Variants in PPP1R12A observed in about 807,000 individuals in gnomAD.
The protein encoded by PPP1R12A is myosin binding subunit.
Under a neutral mutation model 139.6 loss-of-function variants are expected in PPP1R12A, and 19 were observed. The observed-to-expected ratio is 0.14, with a 90% CI of 0.09 to 0.20. The LOEUF is 0.20. PPP1R12A is among the 10% of genes least tolerant of loss of function. PPP1R12A has a pLI of 1.00. For synonymous variants in PPP1R12A, 427 were observed against 420.6 expected (o/e 1.02, Z -0.19); for missense variants, 925 against 1,211.5 (o/e 0.76, Z 3.51).
chr12:79,841,126 C>G (rs1047943279), intron 3 of PPP1R12A, among the ~76,000 whole-genome samples: 1 of 151,120 alleles, frequency 6.6e-6, no homozygotes, highest in Non-Finnish European at 1.5e-5. Flanking sequence ...TGCAGTGATA[C>G]AATCGTAGCT....
chr12:79,863,648 A>C (rs1881619065), intron 2 of PPP1R12A, among the ~76,000 whole-genome samples: 1 of 4,762 alleles, frequency 2.1e-4, no homozygotes, highest in Non-Finnish European at 1.0e-3. Context: ...TGAAAGCAAA[A>C]AAAAAAAAAA....
chr12:79,883,160 A>C (rs1402874412), intron 1 of PPP1R12A, among the ~76,000 whole-genome samples: 3 of 151,820 alleles, frequency 2.0e-5, no homozygotes, highest in Non-Finnish European at 2.9e-5. Context: ...AAAACAAAAC[A>C]AAAAAAACCC....
chr12:79,795,534 A>T (rs1174957739), intron 18 of PPP1R12A, 104 bp downstream of exon 18: 49 of 1,178,774 alleles, frequency 4.2e-5, no homozygotes, highest in Non-Finnish European at 5.8e-5. Flanking sequence ...GATTTAAGGA[A>T]TATGAAATCT....
chr12:79,827,598 T>C lies in PPP1R12A; in HGVS notation c.792+722A>G, dbSNP rs1026583541. 1.3e-5 allele frequency among the ~76,000 whole-genome samples: 2 copies of C among 152,142 alleles called. 1 individual carries two copies. Among genetic ancestry groups the C allele is most frequent in the South Asian group, 4.1e-4 (2 of 4,834 alleles). Reference sequence around the variant, plus strand: ...ATACTGGTGACTGGCTATTGACTGATAGTGTATCTAAAAAGGAGTAGAGGA... The same window carrying C: ...ATACTGGTGACTGGCTATTGACTGACAGTGTATCTAAAAAGGAGTAGAGGA... On this transcript the variant is annotated intron_variant, in intron 5 of 24. Transcript: ENST00000450142.
chr12:79,909,526 A>G (rs184428224), intron 1 of PPP1R12A, among the ~76,000 whole-genome samples: 2 of 151,946 alleles, frequency 1.3e-5, no homozygotes, highest in African/African-American at 4.8e-5. Flanking sequence ...CTCGAGGTCA[A>G]GAGATGGAGA....
At chr12:79,889,907 C>T (rs137899319) in intron 1 of PPP1R12A, among the ~76,000 whole-genome samples, 37 of 152,188 alleles carry the variant, frequency 2.4e-4, no homozygotes, top group African/African-American at 8.7e-4. Context: ...AAGCAGCTCC[C>T]TTGGGCCTCT....
At chr12:79,882,893 C>T (rs1021429512) in intron 1 of PPP1R12A, among the ~76,000 whole-genome samples, 2 of 152,180 alleles carry the variant, frequency 1.3e-5, no homozygotes, top group Admixed American at 6.5e-5. Flanking sequence ...AATCCTAGCA[C>T]TTTGGGAGGC....
chr12:79,912,829 C>T lies in PPP1R12A; in HGVS notation c.237+21866G>A, dbSNP rs1374648978. Among the ~76,000 whole-genome samples, 7 of 152,176 alleles carry T rather than the reference C, an allele frequency of 4.6e-5. No individual in the cohort carries two copies. The East Asian group carries it at 1.3e-3, about 29-fold the overall frequency. ...CTTTAACAAAAACCTTCAACAATCTCCTGTGGAATTTTAGCTTTAAAATGT... is the reference window on the plus strand; with the variant it reads ...CTTTAACAAAAACCTTCAACAATCTTCTGTGGAATTTTAGCTTTAAAATGT... On this transcript the variant is annotated intron_variant, in intron 1 of 24. Coordinates refer to ENST00000450142, the MANE Select transcript of PPP1R12A (RefSeq NM_002480.3).
chr12:79,777,546 T>TAGA, intron 24 of PPP1R12A: 1 of 985,316 alleles, frequency 1.0e-6, no homozygotes, highest in South Asian at 4.7e-5. Flanking sequence ...CAGTTGCCTA[T>TAGA]AGAACCCTGA....
intron 2 of PPP1R12A, among the ~76,000 whole-genome samples, chr12:79,857,491 G>C (rs1880813505): frequency 6.6e-6 from 1 of 151,816 alleles, no homozygotes; most frequent in African/African-American, 2.4e-5. Context: ...TAAATGACAA[G>C]TTAATGAAGA....
Position 79,778,539 on chromosome 12 carries a change from A to G in PPP1R12A, c.3006+11T>C. 6.7e-7 allele frequency: 1 copy of G among 1,502,260 alleles called. No individual in the cohort carries two copies. The highest frequency in any genetic ancestry group is 9.0e-7 in the Non-Finnish European group (1 of 1,111,686). 93.1% of individuals were successfully genotyped at this position (1,502,260 alleles called of 1,614,324 possible). A position where few individuals can be genotyped will look rare whatever the true frequency, so the allele number is the denominator to read the frequency against. ...CAGCACTCTCTCTCATAAGTAACAT[A>G]GTTTACTTACTTTGAGCTCTTCTTC... is the stretch of plus-strand genomic sequence containing the variant. On this transcript the variant is annotated intron_variant, in intron 24 of 24. Transcript: ENST00000450142.
chr12:79,916,784 T>A (rs7964667), intron 1 of PPP1R12A, among the ~76,000 whole-genome samples: 2 of 152,066 alleles, frequency 1.3e-5, no homozygotes, highest in African/African-American at 4.8e-5. Context: ...CACCAGCTTC[T>A]TTGAGTGGCC....
intron 1 of PPP1R12A, among the ~76,000 whole-genome samples, chr12:79,898,773 T>C (rs1885362528): frequency 6.6e-6 from 1 of 152,140 alleles, no homozygotes; most frequent in South Asian, 2.1e-4. Flanking sequence ...CCTCCTCCTA[T>C]AATGCCTTTC....
intron 19 of PPP1R12A, among the ~76,000 whole-genome samples, chr12:79,793,311 G>GA (rs1264382100): frequency 1.3e-5 from 2 of 151,896 alleles, no homozygotes; most frequent in African/African-American, 4.8e-5. Context: ...GTACTGAGAG[G>GA]AAAAAAATGT....
At chr12:79,890,944 TTCAC>T (rs1304840426) in intron 1 of PPP1R12A, among the ~76,000 whole-genome samples, 26 of 52,348 alleles carry the variant, frequency 5.0e-4, no homozygotes, top group African/African-American at 1.2e-3. Flanking sequence ...CACACACACA[TTCAC>T]TCACTCTCTC....
intron 1 of PPP1R12A, among the ~76,000 whole-genome samples, chr12:79,927,082 G>A (rs1161697945): frequency 2.0e-5 from 3 of 150,856 alleles, no homozygotes; most frequent in Non-Finnish European, 4.4e-5. Flanking sequence ...ATTCCCAGCT[G>A]ATCGGGAGGC....
intron 9 of PPP1R12A, among the ~76,000 whole-genome samples, chr12:79,816,217 G>A (rs569832520): frequency 2.8e-4 from 42 of 152,072 alleles, no homozygotes; most frequent in Admixed American, 2.6e-3. Flanking sequence ...AAAACAAACA[G>A]AAATACTCAA....
intron 9 of PPP1R12A, among the ~76,000 whole-genome samples, chr12:79,815,657 G>T (rs534632189): frequency 6.6e-6 from 1 of 152,264 alleles, no homozygotes; most frequent in East Asian, 1.9e-4. Context: ...GTACATGGGG[G>T]TCTTAGAAGT....
chr12:79,803,495 G>C (rs1399655287), intron 14 of PPP1R12A, among the ~76,000 whole-genome samples: 2 of 151,788 alleles, frequency 1.3e-5, no homozygotes, highest in Non-Finnish European at 2.9e-5. Flanking sequence ...CAACCCAAAG[G>C]GTATACCTGT....
Sources: allele counts gnomAD v4.1 joint callset (sites outside exome capture counted in the v4.1 genomes callset), GRCh38; gene constraint gnomAD v4.1.1; transcripts MANE v1.5; gene names NCBI Gene and HGNC (gene_info 2026-07-23, HGNC 2026-07-21).